Variants in PDE3B observed in about 807,000 individuals in gnomAD.
PDE3B encodes the protein phosphodiesterase 3B.
A neutral mutation model predicts 116.8 loss-of-function variants in PDE3B; 66 were observed. The observed-to-expected ratio is 0.56, with a 90% CI of 0.46 to 0.69. PDE3B has a LOEUF of 0.69. Ranked by LOEUF, PDE3B falls within the 30% of genes least tolerant of loss-of-function variation. PDE3B has a pLI of 0.00. For missense variants in PDE3B, 1,384 were observed against 1,368.1 expected, an observed-to-expected ratio of 1.01 and a Z score of -0.18; for synonymous variants, 595 against 533.6, an observed-to-expected ratio of 1.12 and a Z score of -1.59.
At chr11:14,826,017 A>T (rs529317953) in intron 7 of PDE3B, among the ~76,000 whole-genome samples, 6 of 152,242 alleles carry the variant, frequency 3.9e-5, no homozygotes, top group Non-Finnish European at 7.3e-5. Context: ...CTCCTGAATG[A>T]CTTTTGGGCA....
chr11:14,824,844 A>C (rs1241565767), intron 7 of PDE3B, among the ~76,000 whole-genome samples: 3 of 152,228 alleles, frequency 2.0e-5, no homozygotes, highest in Admixed American at 1.3e-4. Flanking sequence ...AGATTTTCCA[A>C]GTTTGAAATC....
At chr11:14,845,737 C>T (rs1334763622) in intron 12 of PDE3B, among the ~76,000 whole-genome samples, 2 of 151,946 alleles carry the variant, frequency 1.3e-5, no homozygotes, top group African/African-American at 2.4e-5. Flanking sequence ...GAAAGGGTTT[C>T]GGTGATGGAA....
chr11:14,820,819 C>T (rs1000093045), intron 7 of PDE3B, among the ~76,000 whole-genome samples: 3 of 152,136 alleles, frequency 2.0e-5, no homozygotes, highest in African/African-American at 7.2e-5. Context: ...GCCAGGCTGG[C>T]ACCCTGATAT....
intron 1 of PDE3B, among the ~76,000 whole-genome samples, chr11:14,708,040 A>G (rs567550267): frequency 1.1e-4 from 17 of 152,124 alleles, no homozygotes; most frequent in Admixed American, 6.6e-4. Context: ...GTCCTCTTCA[A>G]ACCTCATGTT....
Position 14,644,679 on chromosome 11 carries a change from AGCTGCGTAGGGCTGCTGCTGAC to A in PDE3B, c.608_629del (p.Cys203SerfsTer79). ...AGCGGGCAGGTTGCTGCTGGTGCTGAGCTGCGTAGGGCTGCTGCTGACGCTCGCGCACCCGCTGCGGCTCCGG... is the reference window on the plus strand; with the variant it reads ...AGCGGGCAGGTTGCTGCTGGTGCTGAGCTCGCGCACCCGCTGCGGCTCCGG... On this transcript the variant is annotated frameshift_variant, in exon 1 of 16. Transcript: ENST00000282096. LOFTEE classifies it high-confidence loss of function. 2 of 1,506,544 alleles carry A rather than the reference AGCTGCGTAGGGCTGCTGCTGAC, an allele frequency of 1.3e-6. No homozygotes were observed. The allele number at this position is 1,506,544 out of a possible 1,614,324, so 93.3% of individuals were successfully genotyped here.
chr11:14,829,425 T>C (rs969907306), intron 7 of PDE3B, among the ~76,000 whole-genome samples: 2 of 152,234 alleles, frequency 1.3e-5, no homozygotes, highest in African/African-American at 4.8e-5. Context: ...CTCTATCTTA[T>C]ATGTCCATAG....
chr11:14,885,677 C>T, the PDE3B span: 2 of 1,243,824 alleles, frequency 1.6e-6, no homozygotes, highest in Admixed American at 3.7e-5. Context: ...TCTTATTAAT[C>T]AGTATAAAAT....
chr11:14,883,020 A>C, the PDE3B span, among the ~76,000 whole-genome samples: 3 of 152,224 alleles, frequency 2.0e-5, no homozygotes, highest in Non-Finnish European at 2.9e-5. Flanking sequence ...ACCACTGCTC[A>C]ATGAAATAAA....
At chr11:14,688,205 G>A (rs1206201002) in intron 1 of PDE3B, among the ~76,000 whole-genome samples, 1 of 128,468 alleles carries the variant, frequency 7.8e-6, no homozygotes, top group Non-Finnish European at 1.6e-5. Context: ...TCTCTCTCTC[G>A]GAGAGAACAT....
intron 12 of PDE3B, among the ~76,000 whole-genome samples, chr11:14,851,004 T>TTC (rs1179367148): frequency 6.7e-6 from 1 of 149,604 alleles, no homozygotes; most frequent in Admixed American, 6.7e-5. Flanking sequence ...TTTTTTTTTT[T>TTC]AGTAGAGACG....
the PDE3B span, among the ~76,000 whole-genome samples, chr11:14,893,967 G>T: frequency 3.9e-5 from 6 of 152,150 alleles, no homozygotes; most frequent in African/African-American, 1.4e-4. Flanking sequence ...AAGGGCAAAG[G>T]CTTCATATAC....
At chr11:14,890,467 AAACT>A in the PDE3B span, 1 of 981,354 alleles carries the variant, frequency 1.0e-6, no homozygotes, top group Non-Finnish European at 1.2e-6. Context: ...TTAACAACGT[AAACT>A]ATTCGTGAAC....
At chr11:14,662,026 AC>A (rs1326754525) in intron 1 of PDE3B, among the ~76,000 whole-genome samples, 1 of 151,878 alleles carries the variant, frequency 6.6e-6, no homozygotes, top group Non-Finnish European at 1.5e-5. Flanking sequence ...CTGACCCCTG[AC>A]CCCCGAGCAG....
intron 12 of PDE3B, among the ~76,000 whole-genome samples, chr11:14,857,975 A>G (rs1847879804): frequency 6.6e-6 from 1 of 152,198 alleles, no homozygotes; most frequent in African/African-American, 2.4e-5. Flanking sequence ...TAGAAGTTGT[A>G]TTACAGGTGG....
rs368960249 is a variant in PDE3B at position 14,783,082 on chromosome 11, T to C, written c.1030-3355T>C. ...AGATACCATCTCACACCAGTTAGAATGGTGATCATTAAAAAGTCAGGGAAC... is the reference window on the plus strand; with the variant it reads ...AGATACCATCTCACACCAGTTAGAACGGTGATCATTAAAAAGTCAGGGAAC... On this transcript the variant is annotated intron_variant, in intron 2 of 15. Transcript: ENST00000282096. Among the ~76,000 whole-genome samples, 6 of 152,176 alleles carry C rather than the reference T, an allele frequency of 3.9e-5. No homozygotes were observed. In the East Asian group the frequency reaches 1.2e-3, roughly 29 times the overall value.
chr11:14,816,561 C>G (rs188367797), intron 5 of PDE3B, among the ~76,000 whole-genome samples: 12 of 152,328 alleles, frequency 7.9e-5, no homozygotes, highest in Admixed American at 1.3e-4. Context: ...CTGAAGCACT[C>G]TGTTTTGTTC....
the PDE3B span, among the ~76,000 whole-genome samples, chr11:14,894,101 C>T: frequency 4.6e-5 from 7 of 152,130 alleles, no homozygotes; most frequent in Non-Finnish European, 1.0e-4. Flanking sequence ...TGTGACTATC[C>T]CCAGGGGCTG....
chr11:14,843,431 TTG>T (rs1847517555), intron 11 of PDE3B, among the ~76,000 whole-genome samples: 1 of 152,206 alleles, frequency 6.6e-6, no homozygotes, highest in Non-Finnish European at 1.5e-5. Context: ...TCCTAAATCT[TTG>T]TAATGTTTTC....
intron 1 of PDE3B, among the ~76,000 whole-genome samples, chr11:14,715,335 A>G (rs1055771609): frequency 1.2e-4 from 18 of 152,116 alleles, no homozygotes; most frequent in East Asian, 3.9e-4. Context: ...CATTGGATCT[A>G]TAAATTACCT....
Sources: gnomAD v4.1 joint callset for allele counts (sites outside exome capture counted in the v4.1 genomes callset) on GRCh38, gnomAD v4.1.1 for gene constraint, MANE v1.5 for transcripts, NCBI Gene and HGNC (gene_info 2026-07-23, HGNC 2026-07-21) for gene names.